Variants in ASS1 observed in about 807,000 individuals in gnomAD.
ASS1 encodes the protein argininosuccinate synthase.
A neutral mutation model predicts 60.5 loss-of-function variants in ASS1; 58 were observed. The observed-to-expected ratio is 0.96, with a 90% CI of 0.78 to 1.19. The LOEUF (loss-of-function observed/expected upper bound fraction) is 1.19, where lower values mean the gene tolerates loss of function less well. Among genes scored for constraint, ASS1 ranks in the 50% most tolerant of loss-of-function variants. The probability of loss-of-function intolerance (pLI) is 0.00; values close to 1 mark genes in which losing one functional copy is unlikely to be tolerated. For missense variants in ASS1, 454 were observed against 547.3 expected, an observed-to-expected ratio of 0.83 and a Z score of 1.70; for synonymous variants, 200 against 206.9, an observed-to-expected ratio of 0.97 and a Z score of 0.29.
At chr9:130,471,010 C>A in intron 7 of ASS1, 106 bp downstream of exon 7, 1 of 1,325,016 alleles carries the variant, frequency 7.5e-7, no homozygotes, top group Non-Finnish European at 1.1e-6. Context: ...GTGGTCCCTG[C>A]CCTCGGGGAG....
intron 8 of ASS1, among the ~76,000 whole-genome samples, chr9:130,474,054 T>C (rs889940540): frequency 0.088 from 510 of 5,826 alleles, no homozygotes; most frequent in African/African-American, 0.11. Flanking sequence ...CTCTCTTCCC[T>C]CCCCCGCACC....
chr9:130,495,634 C>T (rs1363295404), intron 13 of ASS1, among the ~76,000 whole-genome samples: 2 of 151,822 alleles, frequency 1.3e-5, no homozygotes, highest in Non-Finnish European at 2.9e-5. Flanking sequence ...GAAGCTAGAT[C>T]TTAAAGGGAA....
At chr9:130,497,520 C>T (rs1224598250) in intron 13 of ASS1, among the ~76,000 whole-genome samples, 4 of 151,992 alleles carry the variant, frequency 2.6e-5, no homozygotes, top group Non-Finnish European at 5.9e-5. Context: ...TCATTGTAAA[C>T]TCTTTTTCCA....
In ASS1 at chr9:130,476,466, C is replaced by T. The variant is rs550350246; in HGVS notation, c.598-405C>T. 2.0e-4 allele frequency: 57 copies of T among 286,038 alleles called. 1 individual carries two copies. Among genetic ancestry groups the T allele is most frequent in the African/African-American group, 9.0e-4 (42 of 46,438 alleles). The allele number at this position is 286,038 out of a possible 1,614,324, so 17.7% of individuals were successfully genotyped here. The stretch of plus-strand genomic sequence containing the variant: ...TGCTGGGGTCACAGGCAGTCATTAG[C>T]TTTGCGGTCAGTGCAGAATAAACCC... On this transcript the variant is annotated intron_variant, in intron 8 of 14. Coordinates refer to ENST00000352480, the MANE Select transcript of ASS1 (RefSeq NM_054012.4). The surrounding 1 kb of genome is among the most constrained non-coding windows in gnomAD (Gnocchi z 4.9).
intron 13 of ASS1, among the ~76,000 whole-genome samples, chr9:130,497,036 A>G (rs932850630): frequency 1.3e-5 from 2 of 152,246 alleles, no homozygotes; most frequent in Non-Finnish European, 2.9e-5. Flanking sequence ...TAAACACTTT[A>G]TAAGCCATAA....
intron 3 of ASS1, among the ~76,000 whole-genome samples, chr9:130,458,195 T>C (rs1354467854): frequency 6.7e-6 from 1 of 149,188 alleles, no homozygotes; most frequent in Non-Finnish European, 1.5e-5. Flanking sequence ...TGATTAGCAA[T>C]GTCTGCCATG....
At chr9:130,458,921 C>T (rs889278023) in intron 4 of ASS1, among the ~76,000 whole-genome samples, 1 of 152,204 alleles carries the variant, frequency 6.6e-6, no homozygotes, top group Non-Finnish European at 1.5e-5. Context: ...CCAGGGGACA[C>T]GCAGGAAAGT....
chr9:130,496,556 A>G (rs370413946), intron 13 of ASS1, among the ~76,000 whole-genome samples: 1 of 148,258 alleles, frequency 6.7e-6, no homozygotes, highest in Non-Finnish European at 1.5e-5. Flanking sequence ...GCACCGCTGC[A>G]CTCTAACCTT....
At position 130,473,253 on chromosome 9, in the gene ASS1, C is replaced by A. The variant is rs1380894191; in HGVS notation, c.597+1738C>A. ...CTCTCTGAGCCTCCAGTACTCCTTG[C>A]CCAAAGTGGGAAAACACAGCACCTC... On this transcript the variant is annotated intron_variant, in intron 8 of 14. Coordinates refer to ENST00000352480, the MANE Select transcript of ASS1 (RefSeq NM_054012.4). 2.6e-5 allele frequency among the ~76,000 whole-genome samples: 4 copies of A among 152,194 alleles called. No individual in the cohort carries two copies. The East Asian group carries it at 5.8e-4, about 22-fold the overall frequency.
chr9:130,490,582 A>G (rs984017346), intron 12 of ASS1, among the ~76,000 whole-genome samples: 6 of 152,088 alleles, frequency 3.9e-5, no homozygotes, highest in Non-Finnish European at 8.8e-5. Context: ...CCAAAGTGCT[A>G]GGATTACAGG....
chr9:130,483,453 C>G (rs1013743796), intron 11 of ASS1, among the ~76,000 whole-genome samples: 9 of 150,442 alleles, frequency 6.0e-5, no homozygotes, highest in African/African-American at 2.2e-4. Flanking sequence ...GGGGAAGCCG[C>G]GGCTGGAGTA....
Position 130,476,870 on chromosome 9 carries a change from G to T in ASS1, c.598-1G>T. 6.2e-7 allele frequency: 1 copy of T among 1,613,692 alleles called. No homozygotes were observed. Among genetic ancestry groups the T allele is most frequent in the Non-Finnish European group, 8.5e-7 (1 of 1,179,828 alleles). Reference sequence around the variant, plus strand: ...GCCCACCACTTTCTGTCTTTTTTCAGAACCAAGCGCCTCCAGGTCTCTACA... The same window carrying T: ...GCCCACCACTTTCTGTCTTTTTTCATAACCAAGCGCCTCCAGGTCTCTACA... On this transcript the variant is annotated splice_acceptor_variant, in intron 8 of 14. Coordinates refer to ENST00000352480, the MANE Select transcript of ASS1 (RefSeq NM_054012.4). LOFTEE classifies it high-confidence loss of function. This position sits in a 1 kb window ranked among gnomAD's most constrained non-coding sequence, Gnocchi z 4.9.
rs185885484 is a variant in ASS1 at position 130,500,832 on chromosome 9, A to G, written c.1194-144A>G. 5.4e-4 allele frequency: 408 copies of G among 755,786 alleles called. 6 individuals carry two copies. The East Asian group carries it at 8.9e-3, about 16-fold the overall frequency. The allele number at this position is 755,786 out of a possible 1,614,324, so 46.8% of individuals were successfully genotyped here. ...GGAGGGCAGGAGGGGCCAGGGCGGGAGAGGGAATAGAAAAAAAGGCAACTT... is the reference window on the plus strand; with the variant it reads ...GGAGGGCAGGAGGGGCCAGGGCGGGGGAGGGAATAGAAAAAAAGGCAACTT... On this transcript the variant is annotated intron_variant, in intron 14 of 14. Coordinates refer to ENST00000352480, the MANE Select transcript of ASS1 (RefSeq NM_054012.4).
chr9:130,474,304 C>T (rs1454801620), intron 8 of ASS1, among the ~76,000 whole-genome samples: 3 of 152,176 alleles, frequency 2.0e-5, no homozygotes, highest in South Asian at 2.1e-4. Flanking sequence ...CTCTGACTTC[C>T]GCTGCGGTCT....
chr9:130,466,348 C>A lies in ASS1; in HGVS notation c.421-377C>A, dbSNP rs558202443. ...CGTGGGGCCAGGCCAGCAGCGGCAG[C>A]TCTGTGGACTCTCCCTGGGTCACGG... On this transcript the variant is annotated intron_variant, in intron 5 of 14. Transcript: ENST00000352480. 27 of 321,354 alleles carry A rather than the reference C, an allele frequency of 8.4e-5. No individual in the cohort carries two copies. In the East Asian group the frequency reaches 1.9e-3, roughly 23 times the overall value. The allele number at this position is 321,354 out of a possible 1,614,324, so 19.9% of individuals were successfully genotyped here. A position where few individuals can be genotyped will look rare whatever the true frequency, so the allele number is the denominator to read the frequency against.
chr9:130,445,947 C>T (rs935894608), intron 1 of ASS1, among the ~76,000 whole-genome samples: 1 of 152,220 alleles, frequency 6.6e-6, no homozygotes, highest in African/African-American at 2.4e-5. Context: ...AGCACAAACC[C>T]AGTGATGGGG....
At chr9:130,495,059 G>T in intron 13 of ASS1, 36 bp downstream of exon 13, 1 of 1,581,146 alleles carries the variant, frequency 6.3e-7, no homozygotes, top group Non-Finnish European at 8.6e-7. Context: ...CCCCCACTTG[G>T]GCACAGAGCC....
At chr9:130,463,989 A>G in intron 4 of ASS1, 122 bp from the exon 5 acceptor site, 1 of 1,006,076 alleles carries the variant, frequency 9.9e-7, no homozygotes, top group Non-Finnish European at 1.6e-6. Context: ...GCATGACCTC[A>G]CATGTGTACA....
chr9:130,476,792 C>A lies in ASS1; in HGVS notation c.598-79C>A. The A allele has an allele frequency of 7.5e-7, 1 of 1,328,052 alleles. No homozygotes were observed. The highest frequency in any genetic ancestry group is 1.1e-6 in the Non-Finnish European group (1 of 921,170). 82.3% of individuals were successfully genotyped at this position (1,328,052 alleles called of 1,614,324 possible). On this transcript the variant is annotated intron_variant, in intron 8 of 14. Transcript: ENST00000352480. The surrounding 1 kb of genome is among the most constrained non-coding windows in gnomAD (Gnocchi z 4.9). ...GGGAAATGGACAGAGGAGAGGGGTG[C>A]AGATCCCCGCGGGAGGTGGGCTGTA...
Sources: allele counts gnomAD v4.1 joint callset (sites outside exome capture counted in the v4.1 genomes callset), GRCh38; gene constraint gnomAD v4.1.1; non-coding constraint Gnocchi (gnomAD v3.1); transcripts MANE v1.5; gene names NCBI Gene and HGNC (gene_info 2026-07-23, HGNC 2026-07-21).